The following TMEM163 variants were observed in gnomAD, a reference collection of about 807,000 sequenced individuals.
TMEM163 encodes the protein transmembrane protein 163.
In TMEM163, 17 loss-of-function variants were observed where a neutral mutation model predicts 29.3. The observed-to-expected ratio is 0.58, with a 90% CI of 0.40 to 0.87. TMEM163 has a LOEUF of 0.87. TMEM163 is among the 40% of genes least tolerant of loss of function. The probability of loss-of-function intolerance (pLI) is 0.00; values close to 1 mark genes in which losing one functional copy is unlikely to be tolerated. For synonymous variants in TMEM163, 157 were observed against 160.6 expected (o/e 0.98, Z 0.17); for missense variants, 303 against 381.5 (o/e 0.79, Z 1.71).
chr2:134,682,665 C>T (rs983984330), intron 2 of TMEM163, among the ~76,000 whole-genome samples: 1 of 152,154 alleles, frequency 6.6e-6, no homozygotes, highest in Non-Finnish European at 1.5e-5. Context: ...ATAGGTGGAG[C>T]GACAGGAACC....
At chr2:134,592,862 T>G (rs965882650) in intron 2 of TMEM163, among the ~76,000 whole-genome samples, 1 of 41,422 alleles carries the variant, frequency 2.4e-5, no homozygotes, top group African/African-American at 1.1e-4. Context: ...ATACAGATAT[T>G]AATATAGAGA....
At chr2:134,595,384 C>A (rs993201127) in intron 2 of TMEM163, among the ~76,000 whole-genome samples, 2 of 152,004 alleles carry the variant, frequency 1.3e-5, no homozygotes, top group Non-Finnish European at 2.9e-5. Flanking sequence ...TTTGTCCTTG[C>A]AATAGTTTGC....
intron 2 of TMEM163, among the ~76,000 whole-genome samples, chr2:134,591,908 T>TAAA (rs74672779): frequency 1.4e-5 from 2 of 142,578 alleles, no homozygotes; most frequent in African/African-American, 2.6e-5. Context: ...CAGTGTTGAT[T>TAAA]AAAAAAAAAA....
chr2:134,550,674 G>A lies in TMEM163; in HGVS notation c.367-13C>T. The A allele has an allele frequency of 6.2e-7, 1 of 1,613,592 alleles. No homozygotes were observed. The highest frequency in any genetic ancestry group is 8.5e-7 in the Non-Finnish European group (1 of 1,179,472). ...GGATGGCATCAAACTAGGAGAAGGA[G>A]ACATGGCATTAGAGGCTTTCCACAG... On this transcript the variant is annotated splice_polypyrimidine_tract_variant and intron_variant, in intron 3 of 7. Coordinates refer to ENST00000281924, the MANE Select transcript of TMEM163 (RefSeq NM_030923.5).
At chr2:134,591,890 C>T (rs1681942656) in intron 2 of TMEM163, among the ~76,000 whole-genome samples, 1 of 145,716 alleles carries the variant, frequency 6.9e-6, no homozygotes, top group Non-Finnish European at 1.5e-5. Flanking sequence ...GTCATTCAGA[C>T]ACACAGACAG....
intron 2 of TMEM163, among the ~76,000 whole-genome samples, chr2:134,620,553 G>A (rs558282191): frequency 2.0e-5 from 3 of 152,148 alleles, no homozygotes; most frequent in Admixed American, 6.5e-5. Context: ...CACCACACCC[G>A]GCTACACTAC....
chr2:134,504,230 G>C (rs1174267776), intron 4 of TMEM163, among the ~76,000 whole-genome samples: 1 of 152,160 alleles, frequency 6.6e-6, no homozygotes, highest in Non-Finnish European at 1.5e-5. Context: ...GCAGGTAAGC[G>C]AGGCTGCTTG....
chr2:134,501,062 T>C (rs1457078240), intron 5 of TMEM163, among the ~76,000 whole-genome samples: 3 of 152,194 alleles, frequency 2.0e-5, no homozygotes, highest in African/African-American at 4.8e-5. Context: ...ATTACCCTAA[T>C]CTGGTCACTA....
At chr2:134,566,391 G>A (rs1017235953) in intron 2 of TMEM163, among the ~76,000 whole-genome samples, 9 of 152,142 alleles carry the variant, frequency 5.9e-5, no homozygotes, top group Admixed American at 2.6e-4. Context: ...GTGAAACCCC[G>A]TCTCTACTAA....
intron 2 of TMEM163, among the ~76,000 whole-genome samples, chr2:134,576,718 A>G (rs972363294): frequency 6.6e-6 from 1 of 152,172 alleles, no homozygotes; most frequent in Admixed American, 6.5e-5. Context: ...ATCTGCAAGT[A>G]TTTACAAGTC....
At chr2:134,630,515 A>G (rs1035276472) in intron 2 of TMEM163, among the ~76,000 whole-genome samples, 8 of 152,298 alleles carry the variant, frequency 5.3e-5, no homozygotes, top group East Asian at 3.9e-4. Context: ...AAAGCCCCCA[A>G]TGCTAGAATG....
intron 2 of TMEM163, among the ~76,000 whole-genome samples, chr2:134,689,440 G>T (rs1684415779): frequency 6.6e-6 from 1 of 152,130 alleles, no homozygotes; most frequent in Admixed American, 6.5e-5. Context: ...AGTCACATTT[G>T]TGACTAGAAT....
At chr2:134,625,874 C>T (rs1358133820) in intron 2 of TMEM163, among the ~76,000 whole-genome samples, 1 of 152,218 alleles carries the variant, frequency 6.6e-6, no homozygotes. Context: ...CTGTGATACC[C>T]TGTCTCCCCA....
chr2:134,492,580 A>T (rs1679453674), intron 5 of TMEM163, among the ~76,000 whole-genome samples: 1 of 152,224 alleles, frequency 6.6e-6, no homozygotes, highest in Admixed American at 6.5e-5. Context: ...GTAAAAATTT[A>T]AGTAAACAGA....
chr2:134,458,012 AGGAAAGCAC>A lies in TMEM163; in HGVS notation c.809+11_809+19del. On this transcript the variant is annotated intron_variant, in intron 7 of 7. Coordinates refer to ENST00000281924, the MANE Select transcript of TMEM163 (RefSeq NM_030923.5). ...ACTCCTAGCTGCCAGGAAAGCAAAC[AGGAAAGCAC>A]AAGAACCTACTTGACCCCATAGGCA... 4 of 1,613,926 alleles carry A rather than the reference AGGAAAGCAC, an allele frequency of 2.5e-6. No individual in the cohort carries two copies. The highest frequency in any genetic ancestry group is 3.4e-6 in the Non-Finnish European group (4 of 1,179,844).
At chr2:134,620,036 A>G (rs765330849) in intron 2 of TMEM163, among the ~76,000 whole-genome samples, 44 of 152,220 alleles carry the variant, frequency 2.9e-4, no homozygotes, top group Non-Finnish European at 5.3e-4. Flanking sequence ...TCTAAATAGA[A>G]GAGAAATTCT....
At chr2:134,610,518 T>G (rs1488401510) in intron 2 of TMEM163, among the ~76,000 whole-genome samples, 1 of 152,226 alleles carries the variant, frequency 6.6e-6, no homozygotes, top group African/African-American at 2.4e-5. Flanking sequence ...ATGCTGCTGC[T>G]GATGATCTGG....
intron 4 of TMEM163, among the ~76,000 whole-genome samples, chr2:134,520,500 T>C (rs1360135578): frequency 6.6e-6 from 1 of 152,250 alleles, no homozygotes; most frequent in Non-Finnish European, 1.5e-5. Context: ...TGTATGATTG[T>C]AGTACTACTG....
intron 2 of TMEM163, among the ~76,000 whole-genome samples, chr2:134,571,870 C>T (rs571918881): frequency 1.3e-5 from 2 of 152,278 alleles, no homozygotes; most frequent in East Asian, 3.9e-4. Context: ...TACTGCCTGG[C>T]ATGTACCAGA....
Sources: gnomAD v4.1 joint callset for allele counts (sites outside exome capture counted in the v4.1 genomes callset) on GRCh38, gnomAD v4.1.1 for gene constraint, MANE v1.5 for transcripts, NCBI Gene and HGNC (gene_info 2026-07-23, HGNC 2026-07-21) for gene names.